Variants in BOLL observed in about 807,000 individuals in gnomAD.
BOLL encodes the protein boule RNA binding protein.
Under a neutral mutation model 44.4 loss-of-function variants are expected in BOLL, and 23 were observed. The ratio of observed to expected loss-of-function variants is 0.52; its 90% CI spans 0.37 to 0.73. BOLL has a LOEUF of 0.73. Ranked by LOEUF, BOLL falls within the 30% of genes least tolerant of loss-of-function variation. BOLL has a pLI of 0.00. For synonymous variants in BOLL, 97 were observed against 110.8 expected (o/e 0.88, Z 0.78); for missense variants, 287 against 338.3 (o/e 0.85, Z 1.19).
intron 2 of BOLL, 116 bp from the exon 3 acceptor site, chr2:197,779,182 C>T (rs945788499): frequency 4.2e-6 from 3 of 707,784 alleles, no homozygotes; most frequent in Non-Finnish European, 6.9e-6. Flanking sequence ...AAAAATGCCT[C>T]TCATCATCAA....
chr2:197,743,307 G>T, intron 9 of BOLL, 148 bp from the exon 10 acceptor site: 2 of 491,396 alleles, frequency 4.1e-6, no homozygotes, highest in Non-Finnish European at 7.0e-6. Flanking sequence ...CTTATAATCT[G>T]ATGAGTTAAT....
intron 5 of BOLL, among the ~76,000 whole-genome samples, chr2:197,772,254 A>G (rs1434486653): frequency 6.6e-6 from 1 of 152,084 alleles, no homozygotes; most frequent in Non-Finnish European, 1.5e-5. Flanking sequence ...ATCAATTCAG[A>G]TTCCAACACC....
Position 197,766,544 on chromosome 2 carries a change from T to A in BOLL, c.540A>T (p.Ala180=). The change falls in exon 7 of 11, where the codon GCA becomes GCT. Residue 180 remains alanine, a synonymous_variant. Transcript: ENST00000392296. ...MVAQPIYQQP[A]YHYQATTQYL... ...AATTTATGTTTACCTGGTAGTGATATGCAGGTTGCTGATAAATGGGCTGAG... is the reference window on the plus strand; with the variant it reads ...AATTTATGTTTACCTGGTAGTGATAAGCAGGTTGCTGATAAATGGGCTGAG... 6.2e-7 allele frequency: 1 copy of A among 1,608,920 alleles called. No homozygotes were observed. The highest frequency in any genetic ancestry group is 8.5e-7 in the Non-Finnish European group (1 of 1,175,684).
At chr2:197,752,099 A>G (rs1688289474) in intron 9 of BOLL, among the ~76,000 whole-genome samples, 1 of 152,130 alleles carries the variant, frequency 6.6e-6, no homozygotes, top group Non-Finnish European at 1.5e-5. Context: ...AAAATTCAAC[A>G]CCCTTTCATG....
At chr2:197,766,020 A>G (rs188524944) in intron 7 of BOLL, among the ~76,000 whole-genome samples, 2 of 152,192 alleles carry the variant, frequency 1.3e-5, no homozygotes, top group South Asian at 2.1e-4. Flanking sequence ...TGCAAAATAT[A>G]TGATCTCATT....
Position 197,739,709 on chromosome 2 carries a change from C to T in BOLL, c.828+3352G>A, listed in dbSNP as rs533458458. The stretch of plus-strand genomic sequence containing the variant: ...TTTCTGATGTTACCTACTCACAGAT[C>T]TAAGAACATTTAGAGAAATATATAC... On this transcript the variant is annotated intron_variant, in intron 10 of 10. Transcript: ENST00000392296. Among the ~76,000 whole-genome samples the T allele has an allele frequency of 2.6e-5, 4 of 152,206 alleles. No homozygotes were observed. In the South Asian group the frequency reaches 6.2e-4, roughly 24 times the overall value.
intron 10 of BOLL, among the ~76,000 whole-genome samples, chr2:197,731,825 A>G (rs1357509048): frequency 4.0e-5 from 6 of 151,776 alleles, no homozygotes; most frequent in African/African-American, 7.3e-5. Flanking sequence ...GTGTGTAGAG[A>G]GAAATTTATA....
At chr2:197,776,699 T>C (rs1366607846) in intron 4 of BOLL, among the ~76,000 whole-genome samples, 2 of 152,026 alleles carry the variant, frequency 1.3e-5, no homozygotes, top group African/African-American at 2.4e-5. Flanking sequence ...TCTGTGAATA[T>C]TCTTAGTTTA....
rs60865376 is a variant in BOLL at position 197,784,391 on chromosome 2, CATATAT to C, written c.-16+659_-16+664del. Among the ~76,000 whole-genome samples, 442 of 54,774 alleles carry C rather than the reference CATATAT, an allele frequency of 8.1e-3. 2 individuals carry two copies. The highest frequency in any genetic ancestry group is 9.0e-3 in the Admixed American group (35 of 3,868). The allele number at this position is 54,774 out of a possible 152,430, so 35.9% of individuals were successfully genotyped here. A position where few individuals can be genotyped will look rare whatever the true frequency, so the allele number is the denominator to read the frequency against. On this transcript the variant is annotated intron_variant, in intron 1 of 10. Transcript: ENST00000392296. ...AATACAGTATAACAGCAGTCTAATA[CATATAT>C]ATATATATATATATATATATATATA...
At chr2:197,754,912 T>TA (rs1688440132) in intron 9 of BOLL, among the ~76,000 whole-genome samples, 1 of 152,030 alleles carries the variant, frequency 6.6e-6, no homozygotes, top group East Asian at 1.9e-4. Flanking sequence ...TTTAATTAAC[T>TA]AAAGAGCTTC....
chr2:197,757,464 T>C, intron 7 of BOLL, 64 bp from the exon 8 acceptor site: 1 of 1,421,502 alleles, frequency 7.0e-7, no homozygotes, highest in Non-Finnish European at 9.7e-7. Context: ...AAACTAGATA[T>C]CTACAGGCAA....
At chr2:197,745,908 A>G (rs1687968345) in intron 9 of BOLL, among the ~76,000 whole-genome samples, 1 of 152,204 alleles carries the variant, frequency 6.6e-6, no homozygotes. Context: ...AAATATCTCC[A>G]CAGAGATCCT....
At chr2:197,731,382 A>C (rs1022458034) in intron 10 of BOLL, among the ~76,000 whole-genome samples, 2 of 146,178 alleles carry the variant, frequency 1.4e-5, no homozygotes, top group African/African-American at 5.2e-5. Flanking sequence ...TTAACACCCC[A>C]CTGTCAACAT....
chr2:197,786,056 G>C, upstream of BOLL: 1 of 1,596,870 alleles, frequency 6.3e-7, no homozygotes, highest in Non-Finnish European at 8.5e-7. The surrounding 1 kb of genome is among the most constrained non-coding windows in gnomAD (Gnocchi z 5.9). Context: ...CCTAAAGTTT[G>C]AAACCACCTT....
chr2:197,784,789 A>T, intron 1 of BOLL: 1 of 987,650 alleles, frequency 1.0e-6, no homozygotes, highest in Non-Finnish European at 1.2e-6. Flanking sequence ...TAAGTTCATT[A>T]TAAACAATTA....
At chr2:197,752,522 G>T (rs940909081) in intron 9 of BOLL, among the ~76,000 whole-genome samples, 1 of 152,098 alleles carries the variant, frequency 6.6e-6, no homozygotes, top group Non-Finnish European at 1.5e-5. Context: ...AATAGACAGA[G>T]AATCAAATCA....
In BOLL at chr2:197,729,414, G is replaced by C. The variant is rs1024678984; in HGVS notation, c.829-836C>G. 7.9e-5 allele frequency among the ~76,000 whole-genome samples: 12 copies of C among 152,328 alleles called. No homozygotes were observed. The South Asian group carries it at 1.0e-3, about 13-fold the overall frequency. ...GGGGCGCCCGCCATTGCCCAGGCTT[G>C]ATTAGGTAAACAAAGCAGCTGGGAA... On this transcript the variant is annotated intron_variant, in intron 10 of 10. Transcript: ENST00000392296.
intron 9 of BOLL, among the ~76,000 whole-genome samples, chr2:197,754,525 C>G (rs192571284): frequency 8.5e-4 from 130 of 152,052 alleles, no homozygotes; most frequent in African/African-American, 3.0e-3. Context: ...CTGGCCAACA[C>G]GGTGAAACCC....
upstream of BOLL, chr2:197,785,487 G>A (rs954523899): frequency 3.1e-5 from 22 of 713,048 alleles, no homozygotes; most frequent in African/African-American, 3.5e-4. This position sits in a 1 kb window ranked among gnomAD's most constrained non-coding sequence, Gnocchi z 6.7. Flanking sequence ...GAGTGTCCGG[G>A]TCCCGCCTGG....
Sources: allele counts gnomAD v4.1 joint callset (sites outside exome capture counted in the v4.1 genomes callset), GRCh38; gene constraint gnomAD v4.1.1; non-coding constraint Gnocchi (gnomAD v3.1); transcripts MANE v1.5; gene names NCBI Gene and HGNC (gene_info 2026-07-23, HGNC 2026-07-21).